ACOT11: variants seen among roughly 807,000 people sequenced by gnomAD.
ACOT11 encodes acyl-CoA thioesterase 11, also known as acyl-coenzyme A thioesterase 11.
ACOT11 carries 69 observed loss-of-function variants against 77.5 expected under a neutral mutation model. The ratio of observed to expected loss-of-function variants is 0.89; its 90% CI spans 0.73 to 1.09. The LOEUF (loss-of-function observed/expected upper bound fraction) is 1.09, where lower values mean the gene tolerates loss of function less well. Among genes scored for constraint, ACOT11 ranks in the 50% least tolerant of loss-of-function variants. The probability of loss-of-function intolerance (pLI) is 0.00; values close to 1 mark genes in which losing one functional copy is unlikely to be tolerated. For missense variants in ACOT11, 766 were observed against 813.7 expected, an observed-to-expected ratio of 0.94 and a Z score of 0.71; for synonymous variants, 279 against 313.0, an observed-to-expected ratio of 0.89 and a Z score of 1.15.
intron 1 of ACOT11, among the ~76,000 whole-genome samples, chr1:54,554,728 G>A (rs1653201827): frequency 6.6e-6 from 1 of 152,040 alleles, no homozygotes. Flanking sequence ...GAAGAGTGCT[G>A]CAATAAACAC....
chr1:54,607,940 A>G lies in ACOT11; in HGVS notation c.1503-2A>G, dbSNP rs1314475593. The G allele has an allele frequency of 6.2e-7, 1 of 1,613,672 alleles. No homozygotes were observed. Among genetic ancestry groups the G allele is most frequent in the Non-Finnish European group, 8.5e-7 (1 of 1,179,826 alleles). ...TCCCCTTGCTACCCTTCCTTCACTC[A>G]GGGACCCCTATGTCATCGCGCTGAG... On this transcript the variant is annotated splice_acceptor_variant, in intron 14 of 15. Transcript: ENST00000343744. LOFTEE classifies it high-confidence loss of function. This position sits in a 1 kb window ranked among gnomAD's most constrained non-coding sequence, Gnocchi z 4.5.
chr1:54,592,732 C>T, intron 4 of ACOT11, 126 bp downstream of exon 4: 1 of 922,480 alleles, frequency 1.1e-6, no homozygotes, highest in Non-Finnish European at 1.6e-6. Flanking sequence ...CAGCAGAGTT[C>T]TGTAATGGTT....
chr1:54,628,986 G>T (rs1027430140), intron 15 of ACOT11, among the ~76,000 whole-genome samples: 1 of 125,218 alleles, frequency 8.0e-6, no homozygotes, highest in African/African-American at 2.7e-5. Context: ...TTGAACCGGG[G>T]AGGCAGAGGT....
At position 54,603,307 on chromosome 1, in the gene ACOT11, C is replaced by T. The variant is rs190286001; in HGVS notation, c.1086-564C>T. 7.2e-5 allele frequency among the ~76,000 whole-genome samples: 11 copies of T among 152,300 alleles called. No homozygotes were observed. The East Asian group carries it at 1.9e-3, about 27-fold the overall frequency. Reference sequence around the variant, plus strand: ...CAGGTTGTAGCAAGCCGAGATTGTGCCATTGCACTCCAGCCTGGGCAACAG... The same window carrying T: ...CAGGTTGTAGCAAGCCGAGATTGTGTCATTGCACTCCAGCCTGGGCAACAG... On this transcript the variant is annotated intron_variant, in intron 10 of 15. Transcript: ENST00000343744.
chr1:54,573,702 C>T (rs752451830), intron 1 of ACOT11, among the ~76,000 whole-genome samples: 1 of 152,028 alleles, frequency 6.6e-6, no homozygotes, highest in Non-Finnish European at 1.5e-5. Flanking sequence ...CGCTGCATTC[C>T]AGCCTGGGTG....
intron 13 of ACOT11, among the ~76,000 whole-genome samples, 187 bp downstream of exon 13, chr1:54,605,396 C>T (rs773882393): frequency 4.6e-5 from 7 of 152,062 alleles, no homozygotes; most frequent in East Asian, 3.9e-4. Context: ...AGACTGAGCA[C>T]GGAATTAGAG....
intron 1 of ACOT11, among the ~76,000 whole-genome samples, chr1:54,562,044 A>AC (rs1242086709): frequency 6.9e-5 from 3 of 43,322 alleles, no homozygotes; most frequent in Admixed American, 2.0e-4. Context: ...CGGAGGGCTG[A>AC]CCCCCCCCAC....
intron 15 of ACOT11, among the ~76,000 whole-genome samples, chr1:54,625,798 GC>G (rs1444586326): frequency 1.3e-5 from 2 of 152,018 alleles, no homozygotes; most frequent in East Asian, 3.9e-4. Context: ...AATTAGCTGG[GC>G]ATAGTGGCGC....
At chr1:54,612,357 CA>C (rs1485942658), downstream of ACOT11, 17 of 656,844 alleles carry the variant, frequency 2.6e-5, no homozygotes, top group Non-Finnish European at 4.5e-5. Context: ...AGGGACTCTG[CA>C]GAGGGCATGA....
At chr1:54,567,815 T>C (rs115013683) in intron 1 of ACOT11, among the ~76,000 whole-genome samples, 1,997 of 152,198 alleles carry the variant, frequency 0.013, 30 homozygotes, top group East Asian at 0.037. Context: ...CAGCCAGCCC[T>C]CTCCCCTGAC....
intron 8 of ACOT11, 128 bp from the exon 9 acceptor site, chr1:54,601,141 G>A (rs74071864): frequency 0.012 from 6,633 of 547,946 alleles, 581 homozygotes; most frequent in African/African-American, 0.067. Context: ...GTGTGCATAC[G>A]TGTGTGTGTG....
At chr1:54,552,234 G>A (rs569109812) in intron 1 of ACOT11, among the ~76,000 whole-genome samples, 207 of 152,236 alleles carry the variant, frequency 1.4e-3, no homozygotes, top group Admixed American at 4.1e-3. Flanking sequence ...GCAGGGTCCC[G>A]TCTCTCTTGA....
chr1:54,582,113 T>G (rs1260852424), intron 1 of ACOT11, among the ~76,000 whole-genome samples: 1 of 152,194 alleles, frequency 6.6e-6, no homozygotes, highest in Non-Finnish European at 1.5e-5. Context: ...AGGAGCACAG[T>G]ATTTCCATTC....
chr1:54,562,356 G>A (rs1444623638), intron 1 of ACOT11, among the ~76,000 whole-genome samples: 4 of 84,316 alleles, frequency 4.7e-5, no homozygotes, highest in African/African-American at 1.3e-4. Flanking sequence ...GTGGCTGGCC[G>A]GGCTGAGGGG....
At chr1:54,606,522 G>A (rs1297499215) in intron 13 of ACOT11, among the ~76,000 whole-genome samples, 3 of 152,146 alleles carry the variant, frequency 2.0e-5, no homozygotes, top group African/African-American at 7.2e-5. Context: ...AGGTGCCTGG[G>A]CCTGGGGATA....
chr1:54,614,943 T>G (rs1166662195), downstream of ACOT11: 3 of 525,104 alleles, frequency 5.7e-6, no homozygotes, highest in South Asian at 4.9e-5. Flanking sequence ...AGAGCGGGTG[T>G]GTGTGTGTGT....
intron 1 of ACOT11, among the ~76,000 whole-genome samples, chr1:54,576,056 C>G (rs1654104118): frequency 6.6e-6 from 1 of 152,154 alleles, no homozygotes; most frequent in Non-Finnish European, 1.5e-5. Flanking sequence ...AAATCCACCT[C>G]CCTGGGGAGT....
chr1:54,558,336 G>A (rs1653343993), intron 1 of ACOT11, among the ~76,000 whole-genome samples: 1 of 152,228 alleles, frequency 6.6e-6, no homozygotes, highest in Admixed American at 6.5e-5. Context: ...CATGCCTGCA[G>A]TAACTCATTA....
chr1:54,574,994 A>G (rs1315002051), intron 1 of ACOT11, among the ~76,000 whole-genome samples: 2 of 152,218 alleles, frequency 1.3e-5, no homozygotes, highest in Middle Eastern at 3.2e-3. Context: ...TTCTTTAACC[A>G]AGGAGGAAAC....
Sources: allele counts gnomAD v4.1 joint callset (sites outside exome capture counted in the v4.1 genomes callset), GRCh38; gene constraint gnomAD v4.1.1; non-coding constraint Gnocchi (gnomAD v3.1); transcripts MANE v1.5; gene names NCBI Gene and HGNC (gene_info 2026-07-23, HGNC 2026-07-21).